The following ERBB4 variants were observed in gnomAD, a reference collection of about 807,000 sequenced individuals.
ERBB4 encodes the protein erb-b2 receptor tyrosine kinase 4.
A neutral mutation model predicts 158.0 loss-of-function variants in ERBB4; 42 were observed. The ratio of observed to expected loss-of-function variants is 0.27; its 90% CI spans 0.21 to 0.34. The LOEUF (loss-of-function observed/expected upper bound fraction) is 0.34, where lower values mean the gene tolerates loss of function less well. Ranked by LOEUF, ERBB4 falls within the 10% of genes least tolerant of loss-of-function variation. The pLI, the probability that ERBB4 is intolerant of heterozygous loss-of-function variation, is 1.00. For synonymous variants in ERBB4, 583 were observed against 558.7 expected (o/e 1.04, Z -0.61); for missense variants, 1,333 against 1,624.1 (o/e 0.82, Z 3.08).
intron 22 of ERBB4, among the ~76,000 whole-genome samples, chr2:211,424,554 A>C (rs1043182734): frequency 3.3e-5 from 5 of 152,236 alleles, no homozygotes; most frequent in Non-Finnish European, 7.4e-5. Context: ...AGTGGATGTC[A>C]GCATATAGAA....
chr2:212,206,684 T>A (rs2082766429), intron 1 of ERBB4, among the ~76,000 whole-genome samples: 1 of 150,628 alleles, frequency 6.6e-6, no homozygotes, highest in African/African-American at 2.4e-5. Context: ...CCTCCCGGGT[T>A]CACGCCATTC....
intron 1 of ERBB4, among the ~76,000 whole-genome samples, chr2:212,476,417 T>TA: frequency 6.6e-6 from 1 of 152,222 alleles, no homozygotes; most frequent in Non-Finnish European, 1.5e-5. Flanking sequence ...ATAGAAATTT[T>TA]AAAAAACTCA....
chr2:212,020,098 A>G (rs1291507660), intron 2 of ERBB4, among the ~76,000 whole-genome samples: 1 of 152,150 alleles, frequency 6.6e-6, no homozygotes, highest in Non-Finnish European at 1.5e-5. Flanking sequence ...TATATTCCAC[A>G]GCATCCTTAA....
intron 18 of ERBB4, among the ~76,000 whole-genome samples, chr2:211,620,137 G>T (rs1344580230): frequency 6.6e-6 from 1 of 152,090 alleles, no homozygotes; most frequent in African/African-American, 2.4e-5. Context: ...ATACAAGGAT[G>T]CACAGGTTGT....
chr2:211,861,354 T>G (rs796147463), intron 3 of ERBB4, among the ~76,000 whole-genome samples: 2,842 of 116,960 alleles, frequency 0.024, 107 homozygotes, highest in African/African-American at 0.094. Context: ...TTTTTTGTTT[T>G]TTTTTTTTTT....
At chr2:211,547,127 T>G (rs1486741674) in intron 20 of ERBB4, among the ~76,000 whole-genome samples, 1 of 152,144 alleles carries the variant, frequency 6.6e-6, no homozygotes, top group Admixed American at 6.5e-5. Flanking sequence ...GTTTCCTGAC[T>G]GTAATACTGC....
intron 3 of ERBB4, among the ~76,000 whole-genome samples, chr2:211,807,852 T>G (rs1257183487): frequency 1.3e-5 from 2 of 152,322 alleles, no homozygotes; most frequent in Non-Finnish European, 2.9e-5. Context: ...ATTGTGGTTT[T>G]GATTTGCATT....
At chr2:212,222,211 A>G (rs1169614796) in intron 1 of ERBB4, among the ~76,000 whole-genome samples, 2 of 151,606 alleles carry the variant, frequency 1.3e-5, no homozygotes, top group African/African-American at 4.8e-5. Context: ...TGCTATTAAC[A>G]TTAATGCTTT....
chr2:211,838,127 G>A (rs1454018567), intron 3 of ERBB4, among the ~76,000 whole-genome samples: 2 of 152,046 alleles, frequency 1.3e-5, no homozygotes, highest in Non-Finnish European at 2.9e-5. Context: ...CAGAGCTGGT[G>A]TCACCCTCAC....
chr2:212,274,410 A>G (rs2085451808), intron 1 of ERBB4, among the ~76,000 whole-genome samples: 1 of 151,830 alleles, frequency 6.6e-6, no homozygotes, highest in Non-Finnish European at 1.5e-5. Context: ...ACTGACATCC[A>G]CAATTTATTG....
chr2:211,557,220 T>G (rs1367676139), intron 20 of ERBB4, among the ~76,000 whole-genome samples: 1 of 152,092 alleles, frequency 6.6e-6, no homozygotes, highest in Admixed American at 6.6e-5. Flanking sequence ...GATTTCATGA[T>G]GAAGATACCA....
intron 1 of ERBB4, among the ~76,000 whole-genome samples, chr2:212,171,106 A>G (rs2081504622): frequency 6.6e-6 from 1 of 152,050 alleles, no homozygotes. Flanking sequence ...GAGCTGCCCA[A>G]TTTCATGGAA....
intron 20 of ERBB4, among the ~76,000 whole-genome samples, chr2:211,528,899 A>T (rs973246129): frequency 6.6e-6 from 1 of 152,056 alleles, no homozygotes; most frequent in Non-Finnish European, 1.5e-5. Flanking sequence ...CCTACATAAA[A>T]AAGAGGCAAA....
intron 19 of ERBB4, among the ~76,000 whole-genome samples, chr2:211,603,085 G>C (rs1010404420): frequency 1.3e-5 from 2 of 152,042 alleles, no homozygotes; most frequent in African/African-American, 2.4e-5. Context: ...ACAAAATTTA[G>C]CTGGGCATAG....
At chr2:212,154,247 T>C (rs1220013213) in intron 1 of ERBB4, among the ~76,000 whole-genome samples, 1 of 151,992 alleles carries the variant, frequency 6.6e-6, no homozygotes, top group Non-Finnish European at 1.5e-5. Flanking sequence ...AGGAAGAAAA[T>C]GATTCACATG....
At chr2:211,867,163 ATTTG>A (rs2078231417) in intron 3 of ERBB4, among the ~76,000 whole-genome samples, 2 of 151,994 alleles carry the variant, frequency 1.3e-5, no homozygotes, top group South Asian at 2.1e-4. Flanking sequence ...TTTATTACGT[ATTTG>A]TTTGTTTCGC....
chr2:211,610,852 C>T (rs2069166665), intron 19 of ERBB4, among the ~76,000 whole-genome samples: 1 of 152,082 alleles, frequency 6.6e-6, no homozygotes, highest in Non-Finnish European at 1.5e-5. Flanking sequence ...TCAAGAAATG[C>T]TTCGGAGAAA....
At chr2:212,522,665 C>T (rs1026882) in intron 1 of ERBB4, among the ~76,000 whole-genome samples, 91,758 of 151,768 alleles carry the variant, frequency 0.6, 29,752 homozygotes, top group African/African-American at 0.84. Context: ...GAGTGCATTA[C>T]CTTTATTCAT....
At chr2:212,464,404 G>A (rs978828958) in intron 1 of ERBB4, among the ~76,000 whole-genome samples, 3 of 151,904 alleles carry the variant, frequency 2.0e-5, no homozygotes, top group African/African-American at 7.2e-5. Context: ...CATTTGTTTT[G>A]TTTGTTGTTC....
Sources: gnomAD v4.1 joint callset for allele counts (sites outside exome capture counted in the v4.1 genomes callset) on GRCh38, gnomAD v4.1.1 for gene constraint, MANE v1.5 for transcripts, NCBI Gene and HGNC (gene_info 2026-07-23, HGNC 2026-07-21) for gene names.